The following RORA variants were observed in gnomAD, a reference collection of about 807,000 sequenced individuals.
RORA encodes the protein nuclear receptor ROR-alpha.
A neutral mutation model predicts 69.5 loss-of-function variants in RORA; 7 were observed. The observed-to-expected ratio is 0.10, with a 90% CI of 0.06 to 0.19. The LOEUF (loss-of-function observed/expected upper bound fraction) is 0.19, where lower values mean the gene tolerates loss of function less well. Among genes scored for constraint, RORA ranks in the 10% least tolerant of loss-of-function variants. The pLI, the probability that RORA is intolerant of heterozygous loss-of-function variation, is 1.00. For missense variants in RORA, 457 were observed against 663.0 expected (o/e 0.69, Z 3.41); for synonymous variants, 261 against 240.8 (o/e 1.08, Z -0.78).
chr15:60,918,590 G>A (rs1313667474), intron 1 of RORA, among the ~76,000 whole-genome samples: 1 of 152,248 alleles, frequency 6.6e-6, no homozygotes, highest in Non-Finnish European at 1.5e-5. Flanking sequence ...ATGATTAGTT[G>A]TGGCTTTGTA....
chr15:61,013,342 C>T (rs1304998022), intron 1 of RORA, among the ~76,000 whole-genome samples: 1 of 152,184 alleles, frequency 6.6e-6, no homozygotes, highest in East Asian at 1.9e-4. Context: ...GTGACAGAGA[C>T]CGCATGGCCC....
chr15:61,172,790 A>G (rs2079596996), intron 1 of RORA, among the ~76,000 whole-genome samples: 1 of 152,180 alleles, frequency 6.6e-6, no homozygotes, highest in South Asian at 2.1e-4. Context: ...CTTCAGAGGC[A>G]GAGCTTAAGT....
At chr15:61,212,951 C>G (rs1387256993) in intron 1 of RORA, among the ~76,000 whole-genome samples, 1 of 152,184 alleles carries the variant, frequency 6.6e-6, no homozygotes, top group African/African-American at 2.4e-5. Flanking sequence ...CCTGGCCCTC[C>G]TAAGTGCCAG....
At chr15:61,184,518 G>T (rs890031531) in intron 1 of RORA, among the ~76,000 whole-genome samples, 8 of 152,100 alleles carry the variant, frequency 5.3e-5, no homozygotes, top group African/African-American at 1.9e-4. Context: ...TTCTGTTTCG[G>T]TAGTTGTAAC....
intron 1 of RORA, among the ~76,000 whole-genome samples, chr15:61,173,194 C>T (rs2079600428): frequency 6.6e-6 from 1 of 152,140 alleles, no homozygotes. Context: ...ATTACCCCCA[C>T]TTTATATACA....
At chr15:60,592,800 G>C (rs1043545170) in intron 2 of RORA, 11 of 638,834 alleles carry the variant, frequency 1.7e-5, no homozygotes, top group Non-Finnish European at 2.7e-5. Flanking sequence ...CCTCGCCTTC[G>C]GGATCACCTG....
intron 1 of RORA, among the ~76,000 whole-genome samples, chr15:60,837,038 C>CTTTT (rs35079716): frequency 1.1e-4 from 16 of 143,010 alleles, no homozygotes; most frequent in African/African-American, 3.1e-4. Context: ...ATACCTTGAC[C>CTTTT]TTTTTTTTTT....
intron 1 of RORA, among the ~76,000 whole-genome samples, chr15:60,963,055 C>G (rs1345829724): frequency 2.6e-5 from 4 of 152,220 alleles, no homozygotes; most frequent in Non-Finnish European, 5.9e-5. Flanking sequence ...TGCCTATAAG[C>G]AGCAATCATA....
At chr15:60,645,204 G>A (rs1473073306) in intron 2 of RORA, among the ~76,000 whole-genome samples, 3 of 151,960 alleles carry the variant, frequency 2.0e-5, no homozygotes, top group Non-Finnish European at 2.9e-5. Context: ...ACTGTTGGGC[G>A]AGGAGGATCG....
chr15:61,060,573 T>G (rs989306688), intron 1 of RORA, among the ~76,000 whole-genome samples: 1 of 152,122 alleles, frequency 6.6e-6, no homozygotes, highest in Admixed American at 6.5e-5. Flanking sequence ...TCCCAACCAA[T>G]GTGAGCTGCT....
chr15:60,862,844 G>A (rs996750183), intron 1 of RORA, among the ~76,000 whole-genome samples: 3 of 152,176 alleles, frequency 2.0e-5, no homozygotes, highest in Admixed American at 6.5e-5. Flanking sequence ...GTTCAATTAG[G>A]AGTGTAATAG....
chr15:61,181,044 C>T (rs1233133715), intron 1 of RORA, among the ~76,000 whole-genome samples: 2 of 144,492 alleles, frequency 1.4e-5, no homozygotes, highest in African/African-American at 5.2e-5. Context: ...GCAGAGCTTG[C>T]AGTAAGCCGA....
At chr15:61,161,900 C>T (rs1215313252) in intron 1 of RORA, among the ~76,000 whole-genome samples, 5 of 152,130 alleles carry the variant, frequency 3.3e-5, no homozygotes. Flanking sequence ...GGTATAATCA[C>T]TATGAACTGT....
intron 1 of RORA, among the ~76,000 whole-genome samples, chr15:60,828,287 A>G (rs1162669071): frequency 1.3e-5 from 2 of 152,202 alleles, no homozygotes; most frequent in African/African-American, 4.8e-5. Context: ...GCAGGCAAGT[A>G]AAGAGACATG....
rs57427754 is a variant in RORA at position 61,172,844 on chromosome 15, T to TA, written c.166+56208dup. Among the ~76,000 whole-genome samples, 1,223 of 151,748 alleles carry TA rather than the reference T, an allele frequency of 8.1e-3. 17 individuals carry two copies. Among genetic ancestry groups the TA allele is most frequent in the African/African-American group, 0.028 (1,145 of 41,364 alleles). ...GCATGTATCCTGGGCTGGGAGGAGC[T>TA]AAAAAAAAGGCATGTCTTTGCTCTC... On this transcript the variant is annotated intron_variant, in intron 1 of 10. Coordinates refer to ENST00000335670, the MANE Select transcript of RORA (RefSeq NM_134261.3).
chr15:60,696,051 T>G (rs1347319079), intron 1 of RORA, among the ~76,000 whole-genome samples: 5 of 152,190 alleles, frequency 3.3e-5, no homozygotes, highest in Admixed American at 6.5e-5. Flanking sequence ...ATGCTGAAAC[T>G]CTGAGCCTTA....
chr15:60,708,884 T>A (rs2071104911), intron 1 of RORA, among the ~76,000 whole-genome samples: 1 of 152,202 alleles, frequency 6.6e-6, no homozygotes, highest in Admixed American at 6.5e-5. Context: ...ATACTGATGA[T>A]AAGGTAAAAT....
chr15:60,864,737 C>G (rs542587239), intron 1 of RORA, among the ~76,000 whole-genome samples: 3 of 152,182 alleles, frequency 2.0e-5, no homozygotes, highest in Non-Finnish European at 4.4e-5. Context: ...TACATATGAA[C>G]TTACACATGA....
rs1454362514 is a variant in RORA, at chr15:61,194,577, C to T, written c.166+34476G>A. ...AAAAAGCTGTAACACTTCCTCACTT[C>T]GACCATATTGGTGGAGAAGGCAGTA... On this transcript the variant is annotated intron_variant, in intron 1 of 10. Transcript: ENST00000335670. Among the ~76,000 whole-genome samples, 3 of 151,760 alleles carry T rather than the reference C, an allele frequency of 2.0e-5. No homozygotes were observed. In the South Asian group the frequency reaches 6.2e-4, roughly 32 times the overall value.
Sources: allele counts gnomAD v4.1 joint callset (sites outside exome capture counted in the v4.1 genomes callset), GRCh38; gene constraint gnomAD v4.1.1; transcripts MANE v1.5; gene names NCBI Gene and HGNC (gene_info 2026-07-23, HGNC 2026-07-21).